Variants in CYP7B1 observed in about 807,000 individuals in gnomAD.
The protein encoded by CYP7B1 is cytochrome P450 7B1.
A neutral mutation model predicts 42.7 loss-of-function variants in CYP7B1; 29 were observed. The ratio of observed to expected loss-of-function variants is 0.68; its 90% CI spans 0.51 to 0.93. The LOEUF (loss-of-function observed/expected upper bound fraction) is 0.93. Ranked by LOEUF, CYP7B1 falls within the 40% of genes least tolerant of loss-of-function variation. The pLI is 0.00. For missense variants in CYP7B1, 655 were observed against 600.5 expected (o/e 1.09, Z -0.95); for synonymous variants, 235 against 218.2 (o/e 1.08, Z -0.68).
intron 1 of CYP7B1, among the ~76,000 whole-genome samples, chr8:64,645,543 A>G (rs1805937606): frequency 6.6e-6 from 1 of 152,182 alleles, no homozygotes. Flanking sequence ...CAAGGAAATA[A>G]AAGAGGATAC....
intron 1 of CYP7B1, among the ~76,000 whole-genome samples, chr8:64,762,704 T>A (rs1807907359): frequency 2.0e-5 from 3 of 152,200 alleles, no homozygotes; most frequent in Admixed American, 2.0e-4. Flanking sequence ...ATTATTCACA[T>A]AAAAGTTCAA....
chr8:64,765,907 T>C (rs1036129296), intron 1 of CYP7B1, among the ~76,000 whole-genome samples: 2 of 152,196 alleles, frequency 1.3e-5, no homozygotes, highest in Admixed American at 6.5e-5. Context: ...CTGATGGCTA[T>C]ATTGATGTTT....
chr8:64,606,673 G>A (rs775523091), intron 4 of CYP7B1, among the ~76,000 whole-genome samples: 52 of 152,160 alleles, frequency 3.4e-4, no homozygotes, highest in Admixed American at 1.9e-3. Context: ...ATAATGGAGC[G>A]CAAAGTGTGG....
At chr8:64,727,489 C>T (rs988216082) in intron 1 of CYP7B1, among the ~76,000 whole-genome samples, 1 of 151,972 alleles carries the variant, frequency 6.6e-6, no homozygotes, top group Non-Finnish European at 1.5e-5. Context: ...GTACATTGAT[C>T]ATAATAGTAA....
intron 5 of CYP7B1, among the ~76,000 whole-genome samples, chr8:64,598,143 C>T (rs557370559): frequency 6.6e-6 from 1 of 152,308 alleles, no homozygotes; most frequent in East Asian, 1.9e-4. Context: ...TTCCTTCCAA[C>T]TTGCAAGTGG....
intron 1 of CYP7B1, among the ~76,000 whole-genome samples, chr8:64,659,323 T>C (rs1585837948): frequency 6.6e-6 from 1 of 152,192 alleles, no homozygotes; most frequent in African/African-American, 2.4e-5. Flanking sequence ...AATAATTTGC[T>C]TTTCTCATTG....
chr8:64,690,222 T>C (rs1806718250), intron 1 of CYP7B1, among the ~76,000 whole-genome samples: 1 of 151,954 alleles, frequency 6.6e-6, no homozygotes, highest in South Asian at 2.1e-4. Context: ...CATAGCAAAA[T>C]CCCATCTCTA....
chr8:64,783,127 A>G (rs770863205), intron 1 of CYP7B1, among the ~76,000 whole-genome samples: 2 of 152,154 alleles, frequency 1.3e-5, no homozygotes, highest in Non-Finnish European at 2.9e-5. Flanking sequence ...AAATAACTTT[A>G]CTCTCAGCTG....
At chr8:64,630,829 T>C (rs939752089) in intron 1 of CYP7B1, among the ~76,000 whole-genome samples, 1 of 152,164 alleles carries the variant, frequency 6.6e-6, no homozygotes, top group Non-Finnish European at 1.5e-5. Flanking sequence ...TAAGAGATAA[T>C]GAGATTGTTC....
intron 1 of CYP7B1, among the ~76,000 whole-genome samples, chr8:64,641,405 G>A (rs1805854195): frequency 2.0e-5 from 3 of 152,090 alleles, no homozygotes; most frequent in South Asian, 2.1e-4. Flanking sequence ...AAAGAAAGAT[G>A]AGGACATGTG....
intron 1 of CYP7B1, among the ~76,000 whole-genome samples, chr8:64,699,883 A>C (rs1806886812): frequency 6.6e-6 from 1 of 152,114 alleles, no homozygotes. Context: ...ACATTCAAGG[A>C]GTCATTCACT....
Position 64,594,430 on chromosome 8 carries a change from T to C in CYP7B1, c.*2212A>G, listed in dbSNP as rs2129629682. 6.6e-6 allele frequency among the ~76,000 whole-genome samples: 1 copy of C among 152,210 alleles called. No individual in the cohort carries two copies. The highest frequency in any genetic ancestry group is 2.1e-4 in the South Asian group (1 of 4,824). ...TAAGAAAATTAGGAAGAATATAACT[T>C]ACAGAAAATAGGTACTCAAGATAAT... is the stretch of plus-strand genomic sequence containing the variant. On this transcript the variant is annotated 3_prime_UTR_variant, in exon 6 of 6. Transcript: ENST00000310193.
At chr8:64,659,898 G>C (rs907292252) in intron 1 of CYP7B1, among the ~76,000 whole-genome samples, 3 of 152,196 alleles carry the variant, frequency 2.0e-5, no homozygotes, top group Non-Finnish European at 4.4e-5. Flanking sequence ...CAGTGCAGAG[G>C]TGGGAATTAA....
At chr8:64,796,753 G>A (rs1804708398) in intron 1 of CYP7B1, among the ~76,000 whole-genome samples, 1 of 152,052 alleles carries the variant, frequency 6.6e-6, no homozygotes, top group South Asian at 2.1e-4. Context: ...ATTGCAAAGT[G>A]GAAAATATAA....
intron 2 of CYP7B1, 36 bp from the exon 3 acceptor site, chr8:64,616,317 G>C: frequency 7.7e-7 from 1 of 1,298,358 alleles, no homozygotes; most frequent in Non-Finnish European, 1.1e-6. Flanking sequence ...ATATGAGTTC[G>C]TTTGTTAATA....
At chr8:64,658,177 T>C (rs1806149233) in intron 1 of CYP7B1, among the ~76,000 whole-genome samples, 2 of 152,154 alleles carry the variant, frequency 1.3e-5, no homozygotes, top group South Asian at 4.1e-4. Flanking sequence ...AATTTCAAGA[T>C]ACGAATTTAG....
At chr8:64,724,983 A>G in intron 1 of CYP7B1, among the ~76,000 whole-genome samples, 1 of 152,254 alleles carries the variant, frequency 6.6e-6, no homozygotes, top group East Asian at 1.9e-4. Context: ...GTACGTCATA[A>G]GACCCTCATT....
In CYP7B1 at chr8:64,593,753, A is replaced by T. The variant is rs560503851; in HGVS notation, c.*2889T>A. Among the ~76,000 whole-genome samples the T allele has an allele frequency of 2.6e-5, 4 of 152,348 alleles. No individual in the cohort carries two copies. Among genetic ancestry groups the T allele is most frequent in the Admixed American group, 2.6e-4 (4 of 15,310 alleles). ...CATAAACTACAGAATTAGATCCACA[A>T]AACACCAATGATTTGGAAATATCAG... is the stretch of plus-strand genomic sequence containing the variant. On this transcript the variant is annotated 3_prime_UTR_variant, in exon 6 of 6. Transcript: ENST00000310193.
intron 1 of CYP7B1, among the ~76,000 whole-genome samples, chr8:64,716,884 A>G (rs572289542): frequency 1.3e-5 from 2 of 152,142 alleles, no homozygotes; most frequent in African/African-American, 4.8e-5. Context: ...TTTGTCTTTT[A>G]TACTTCAAAC....
Sources: allele counts gnomAD v4.1 joint callset (sites outside exome capture counted in the v4.1 genomes callset), GRCh38; gene constraint gnomAD v4.1.1; transcripts MANE v1.5; gene names NCBI Gene and HGNC (gene_info 2026-07-23, HGNC 2026-07-21).